The following VTCN1 variants were observed in gnomAD, a reference collection of about 807,000 sequenced individuals.
VTCN1 encodes the protein V-set domain containing T cell activation inhibitor 1, also known as V-set domain-containing T-cell activation inhibitor 1.
VTCN1 carries 26 observed loss-of-function variants against 26.5 expected under a neutral mutation model. The observed-to-expected ratio is 0.98, with a 90% CI of 0.72 to 1.36. The LOEUF (loss-of-function observed/expected upper bound fraction) is 1.36. VTCN1 is among the 40% of genes most tolerant of loss of function. The pLI is 0.00. For synonymous variants in VTCN1, 116 were observed against 130.7 expected (o/e 0.89, Z 0.77); for missense variants, 298 against 337.7 (o/e 0.88, Z 0.92).
chr1:117,210,644 T>G (rs942321024), intron 1 of VTCN1, among the ~76,000 whole-genome samples, 180 bp downstream of exon 1: 4 of 152,110 alleles, frequency 2.6e-5, no homozygotes, highest in African/African-American at 9.7e-5. Context: ...GCAGCTGAGG[T>G]GGGATGTTAA....
intron 1 of VTCN1, among the ~76,000 whole-genome samples, chr1:117,189,942 C>A (rs1375987661): frequency 1.3e-5 from 2 of 152,164 alleles, no homozygotes; most frequent in Non-Finnish European, 2.9e-5. Flanking sequence ...GGCAGACTCA[C>A]CCACCACAAG....
chr1:117,183,366 GAATA>G lies in VTCN1; in HGVS notation c.33-13199_33-13196del, dbSNP rs1490801808. Among the ~76,000 whole-genome samples the G allele has an allele frequency of 6.6e-6, 1 of 152,152 alleles. No homozygotes were observed. ...AGTCTTTAAAATATGTTGAATTAAT[GAATA>G]AATAAATATCCATGCTGTGCTACTG... On this transcript the variant is annotated intron_variant, in intron 1 of 5. Transcript: ENST00000369458. The surrounding 1 kb of genome is among the most constrained non-coding windows in gnomAD (Gnocchi z 4.1).
At chr1:117,203,504 G>A (rs778227453) in intron 1 of VTCN1, 27 of 646,582 alleles carry the variant, frequency 4.2e-5, no homozygotes, top group Admixed American at 2.5e-4. Context: ...CGCTGTGCTG[G>A]CAGCAGCAGG....
intron 4 of VTCN1, among the ~76,000 whole-genome samples, chr1:117,149,148 G>GAGA (rs1651664007): frequency 6.6e-6 from 1 of 152,184 alleles, no homozygotes; most frequent in Non-Finnish European, 1.5e-5. Flanking sequence ...TAAGGGTGTA[G>GAGA]TGTTCTCCCC....
intron 1 of VTCN1, among the ~76,000 whole-genome samples, chr1:117,178,324 T>G (rs1647479858): frequency 6.6e-6 from 1 of 150,510 alleles, no homozygotes; most frequent in Admixed American, 6.6e-5. Flanking sequence ...TGTCGTGATC[T>G]TGGCTCACTG....
chr1:117,167,690 G>C lies in VTCN1; in HGVS notation c.97+2417C>G, dbSNP rs1296644723. 1.3e-5 allele frequency among the ~76,000 whole-genome samples: 2 copies of C among 152,086 alleles called. No homozygotes were observed. Among genetic ancestry groups the C allele is most frequent in the Non-Finnish European group, 2.9e-5 (2 of 68,010 alleles). ...ACTAAAAGCTATTTATTGGCCTTTT[G>C]GACATACTCCTTGTGAGCTGCTTTT... On this transcript the variant is annotated intron_variant, in intron 2 of 5. Transcript: ENST00000369458. The surrounding 1 kb of genome is among the most constrained non-coding windows in gnomAD (Gnocchi z 4.1).
intron 1 of VTCN1, among the ~76,000 whole-genome samples, chr1:117,192,720 T>C (rs1229618224): frequency 2.6e-5 from 4 of 152,244 alleles, no homozygotes; most frequent in Admixed American, 2.0e-4. Flanking sequence ...TAGACTGTTA[T>C]AGGTATTTTA....
intron 2 of VTCN1, among the ~76,000 whole-genome samples, chr1:117,158,930 C>T (rs975504997): frequency 2.0e-5 from 3 of 152,196 alleles, no homozygotes; most frequent in Non-Finnish European, 2.9e-5. Flanking sequence ...TTTGTTAAAA[C>T]ATAACAAGAG....
intron 1 of VTCN1, among the ~76,000 whole-genome samples, chr1:117,171,881 G>C (rs1652934338): frequency 6.6e-6 from 1 of 152,158 alleles, no homozygotes; most frequent in African/African-American, 2.4e-5. Context: ...AGTGTACCAA[G>C]GGTAGGAGCT....
intron 4 of VTCN1, among the ~76,000 whole-genome samples, chr1:117,150,407 G>A (rs1457299622): frequency 6.6e-6 from 1 of 152,196 alleles, no homozygotes; most frequent in Non-Finnish European, 1.5e-5. Context: ...CCTGGTTCCA[G>A]TTGATCCTGA....
intron 1 of VTCN1, among the ~76,000 whole-genome samples, chr1:117,179,006 G>C (rs1647539315): frequency 6.6e-6 from 1 of 152,136 alleles, no homozygotes; most frequent in Non-Finnish European, 1.5e-5. Flanking sequence ...GGAATCTCAG[G>C]CTAATTTAAT....
Position 117,167,373 on chromosome 1 carries a change from A to G in VTCN1, c.97+2734T>C, listed in dbSNP as rs763961270. Among the ~76,000 whole-genome samples, 4 of 152,144 alleles carry G rather than the reference A, an allele frequency of 2.6e-5. No individual in the cohort carries two copies. Among genetic ancestry groups the G allele is most frequent in the Non-Finnish European group, 5.9e-5 (4 of 68,022 alleles). On this transcript the variant is annotated intron_variant, in intron 2 of 5. Transcript: ENST00000369458. The surrounding 1 kb of genome is among the most constrained non-coding windows in gnomAD (Gnocchi z 4.1). ...ACTGCTACCTGCTTACTTGTCCCCA[A>G]AGGTAATAAGAACCATTATTCTACC...
chr1:117,147,615 G>A lies in VTCN1; in HGVS notation c.*43C>T, dbSNP rs746509630. On this transcript the variant is annotated splice_region_variant and 3_prime_UTR_variant, in exon 5 of 6. Coordinates refer to ENST00000369458, the MANE Select transcript of VTCN1 (RefSeq NM_024626.4). This position sits in a 1 kb window ranked among gnomAD's most constrained non-coding sequence, Gnocchi z 4.6. Reference sequence around the variant, plus strand: ...ACACTATTTGTGATTAATCTCACCTGTTGTAACAATGACTTTGCATGCTTT... The same window carrying A: ...ACACTATTTGTGATTAATCTCACCTATTGTAACAATGACTTTGCATGCTTT... 60 of 1,608,636 alleles carry A rather than the reference G, an allele frequency of 3.7e-5. 1 individual carries two copies. The East Asian group carries it at 9.1e-4, about 25-fold the overall frequency.
intron 1 of VTCN1, among the ~76,000 whole-genome samples, chr1:117,204,301 T>A (rs1422318354): frequency 6.6e-6 from 1 of 152,196 alleles, no homozygotes; most frequent in African/African-American, 2.4e-5. Context: ...CTATTATTAA[T>A]GCCCAATTTA....
intron 1 of VTCN1, among the ~76,000 whole-genome samples, chr1:117,171,700 T>C (rs1339240502): frequency 6.6e-6 from 1 of 152,258 alleles, no homozygotes; most frequent in African/African-American, 2.4e-5. Context: ...GTATAACTTA[T>C]ATCAATTATC....
At chr1:117,202,039 T>C (rs1271669969) in intron 1 of VTCN1, among the ~76,000 whole-genome samples, 1 of 152,202 alleles carries the variant, frequency 6.6e-6, no homozygotes, top group East Asian at 1.9e-4. Flanking sequence ...GGGGCTCCTC[T>C]GGATGTGAAA....
intron 1 of VTCN1, among the ~76,000 whole-genome samples, chr1:117,205,904 A>G (rs184086425): frequency 1.1e-4 from 16 of 152,170 alleles, no homozygotes; most frequent in Admixed American, 7.2e-4. Flanking sequence ...TTGGCCCCTG[A>G]GGTTGTTGTT....
At position 117,153,144 on chromosome 1, in the gene VTCN1, G is replaced by A; in HGVS notation, c.671C>T (p.Ser224Phe). 1 of 1,613,880 alleles carries A rather than the reference G, an allele frequency of 6.2e-7. No individual in the cohort carries two copies. Among genetic ancestry groups the A allele is most frequent in the Non-Finnish European group, 8.5e-7 (1 of 1,179,994 alleles). ...LYNVTINNTY[S>F]CMIENDIAKA... ...GGCAATGTCATTTTCAATCATACAG[G>A]AGTATGTGTTGTTGATCGTAACATT... Residue 224 changes from serine to phenylalanine, a missense_variant, in exon 4 of 6, where the codon TCC (serine) becomes TTC (phenylalanine). Coordinates refer to ENST00000369458, the MANE Select transcript of VTCN1 (RefSeq NM_024626.4).
At position 117,153,087 on chromosome 1, in the gene VTCN1, C is replaced by G. The variant is rs1329621648; in HGVS notation, c.724+4G>C. On this transcript the variant is annotated splice_donor_region_variant and intron_variant, in intron 4 of 5. Coordinates refer to ENST00000369458, the MANE Select transcript of VTCN1 (RefSeq NM_024626.4). ...AATCCATACAAAAGCATGCAGGAAC[C>G]CACCTGTCACTTTGATATCCCCTGT... The G allele has an allele frequency of 6.2e-7, 1 of 1,601,070 alleles. No individual in the cohort carries two copies. The highest frequency in any genetic ancestry group is 1.3e-5 in the African/African-American group (1 of 74,698).
Sources: allele counts gnomAD v4.1 joint callset (sites outside exome capture counted in the v4.1 genomes callset), GRCh38; gene constraint gnomAD v4.1.1; non-coding constraint Gnocchi (gnomAD v3.1); transcripts MANE v1.5; gene names NCBI Gene and HGNC (gene_info 2026-07-23, HGNC 2026-07-21).